Variants in HERC4 observed in about 807,000 individuals in gnomAD.
HERC4 encodes probable E3 ubiquitin-protein ligase HERC4.
In HERC4, 28 loss-of-function variants were observed where a neutral mutation model predicts 124.3. The observed-to-expected ratio is 0.23, with a 90% confidence interval of 0.17 to 0.31. The LOEUF is 0.31. Ranked by LOEUF, HERC4 falls within the 10% of genes least tolerant of loss-of-function variation. The pLI, the probability that HERC4 is intolerant of heterozygous loss-of-function variation, is 1.00. For missense variants in HERC4, 713 were observed against 1,229.3 expected (o/e 0.58, Z 6.28); for synonymous variants, 407 against 421.5 (o/e 0.97, Z 0.42).
chr10:68,052,757 C>G (rs2040378077), intron 3 of HERC4, among the ~76,000 whole-genome samples: 1 of 152,150 alleles, frequency 6.6e-6, no homozygotes, highest in Non-Finnish European at 1.5e-5. Context: ...ATCAATTTCA[C>G]CATCATAAAG....
intron 20 of HERC4, 137 bp downstream of exon 20, chr10:67,940,802 T>C (rs1482112255): frequency 2.6e-6 from 2 of 762,984 alleles, no homozygotes; most frequent in East Asian, 5.9e-5. Flanking sequence ...TTTCCTTTAT[T>C]AGAAGGGCAT....
chr10:67,951,659 A>T (rs2033801985), intron 19 of HERC4, among the ~76,000 whole-genome samples: 1 of 152,120 alleles, frequency 6.6e-6, no homozygotes. Flanking sequence ...TCAATCCTTC[A>T]TATGATTGCG....
At chr10:68,008,545 A>G (rs556187602) in intron 9 of HERC4, among the ~76,000 whole-genome samples, 21 of 152,314 alleles carry the variant, frequency 1.4e-4, no homozygotes, top group Non-Finnish European at 1.9e-4. Context: ...TTGGGGATGT[A>G]ATCATATGGA....
intron 8 of HERC4, among the ~76,000 whole-genome samples, chr10:68,021,616 C>T (rs2038629972): frequency 6.6e-6 from 1 of 152,122 alleles, no homozygotes; most frequent in Admixed American, 6.5e-5. Flanking sequence ...CAAGACCAGC[C>T]TGACCAACAT....
chr10:67,927,803 A>C (rs2031304437), intron 23 of HERC4, among the ~76,000 whole-genome samples: 1 of 152,166 alleles, frequency 6.6e-6, no homozygotes, highest in South Asian at 2.1e-4. Flanking sequence ...CAAGGTTTCA[A>C]GTACTTACTG....
chr10:67,967,206 TA>T (rs1305922304), intron 15 of HERC4, among the ~76,000 whole-genome samples: 3 of 152,212 alleles, frequency 2.0e-5, no homozygotes, highest in Non-Finnish European at 4.4e-5. Context: ...GGGATTTTCT[TA>T]GCTATTTTTT....
At chr10:67,977,515 C>G (rs934792558) in intron 15 of HERC4, among the ~76,000 whole-genome samples, 2 of 152,116 alleles carry the variant, frequency 1.3e-5, no homozygotes, top group Non-Finnish European at 2.9e-5. Context: ...AAGACTCCTG[C>G]TTGAGAAAAG....
chr10:68,053,792 G>A (rs1412757074), intron 3 of HERC4, among the ~76,000 whole-genome samples: 1 of 152,100 alleles, frequency 6.6e-6, no homozygotes, highest in Non-Finnish European at 1.5e-5. Context: ...CCATGTCCAG[G>A]AATGACCACA....
In HERC4 at chr10:67,922,809, T is replaced by C. The variant is rs189580227; in HGVS notation, c.*122A>G. ...TTTGGCTTCCATGAACACTCGTAGA[T>C]TGAACATTCTGCAAGTAAGAATTAT... On this transcript the variant is annotated 3_prime_UTR_variant, in exon 25 of 25. Transcript: ENST00000373700. The C allele has an allele frequency of 2.8e-6, 2 of 713,472 alleles. No individual in the cohort carries two copies. The highest frequency in any genetic ancestry group is 2.5e-5 in the Admixed American group (1 of 39,648). The allele number at this position is 713,472 out of a possible 1,614,324, so 44.2% of individuals were successfully genotyped here.
chr10:67,961,970 T>C (rs1480140706), intron 16 of HERC4, among the ~76,000 whole-genome samples: 2 of 152,176 alleles, frequency 1.3e-5, no homozygotes, highest in East Asian at 3.8e-4. Context: ...ACCTTTCAGA[T>C]TACACTCTGT....
At chr10:68,020,058 T>C (rs1051179097) in intron 8 of HERC4, among the ~76,000 whole-genome samples, 4 of 152,212 alleles carry the variant, frequency 2.6e-5, no homozygotes, top group African/African-American at 4.8e-5. Flanking sequence ...ACCACATTTA[T>C]GGGTGAATTT....
chr10:68,059,841 A>AT lies in HERC4; in HGVS notation c.226+13041_226+13042insA, dbSNP rs1564609819. On this transcript the variant is annotated intron_variant, in intron 3 of 24. Coordinates refer to ENST00000373700, the MANE Select transcript of HERC4 (RefSeq NM_015601.4). ...TATATATCATAATATTATATATTATAATATATTATATATCATAATATTATA... is the reference window on the plus strand; with the variant it reads ...TATATATCATAATATTATATATTATATATATATTATATATCATAATATTATA... Among the ~76,000 whole-genome samples, 30 of 32,990 alleles carry AT rather than the reference A, an allele frequency of 9.1e-4. 8 individuals carry two copies. In the African/African-American group the frequency reaches 9.2e-3, roughly 10 times the overall value. 21.6% of individuals were successfully genotyped at this position (32,990 alleles called of 152,430 possible).
At chr10:67,988,118 C>CA (rs1249643027) in intron 15 of HERC4, 1 of 152,038 alleles carries the variant, frequency 6.6e-6, no homozygotes, top group Admixed American at 6.6e-5. Context: ...TGAACTGCTA[C>CA]AAGTGTAAAG....
At chr10:67,959,793 T>A (rs1419482999) in intron 16 of HERC4, among the ~76,000 whole-genome samples, 1 of 152,238 alleles carries the variant, frequency 6.6e-6, no homozygotes, top group Non-Finnish European at 1.5e-5. Context: ...GTGGAAATTA[T>A]AATGAAAGCT....
chr10:67,926,165 C>T (rs752576364), intron 23 of HERC4, among the ~76,000 whole-genome samples: 28 of 152,116 alleles, frequency 1.8e-4, no homozygotes, highest in Non-Finnish European at 3.2e-4. Flanking sequence ...GTGTCCAAGC[C>T]GGGCAGATCA....
chr10:68,014,496 T>A (rs980365534), intron 8 of HERC4, among the ~76,000 whole-genome samples: 1 of 152,134 alleles, frequency 6.6e-6, no homozygotes, highest in Non-Finnish European at 1.5e-5. Context: ...CATCTACCTA[T>A]GCTGTTCAAG....
intron 3 of HERC4, among the ~76,000 whole-genome samples, chr10:68,049,590 C>CCAAAA (rs1554827735): frequency 2.8e-4 from 12 of 42,622 alleles, no homozygotes; most frequent in African/African-American, 1.4e-3. Context: ...GACACTGCCA[C>CCAAAA]AAAAAAAAAA....
chr10:68,013,041 T>C (rs552744567), intron 9 of HERC4, among the ~76,000 whole-genome samples: 2 of 152,340 alleles, frequency 1.3e-5, no homozygotes, highest in East Asian at 1.9e-4. Context: ...TTTGCTTTAC[T>C]GTGCTTCTCA....
chr10:67,922,867 A>T lies in HERC4; in HGVS notation c.*64T>A. On this transcript the variant is annotated 3_prime_UTR_variant, in exon 25 of 25. Transcript: ENST00000373700. ...CCTCTGTCACCTTGCTGAATTCATC[A>T]CCACAAGAAAAACACAAATAGTTTA... 8.8e-7 allele frequency: 1 copy of T among 1,137,654 alleles called. No individual in the cohort carries two copies. The highest frequency in any genetic ancestry group is 1.3e-6 in the Non-Finnish European group (1 of 786,710). 70.5% of individuals were successfully genotyped at this position (1,137,654 alleles called of 1,614,324 possible).
Sources: allele counts gnomAD v4.1 joint callset (sites outside exome capture counted in the v4.1 genomes callset), GRCh38; gene constraint gnomAD v4.1.1; transcripts MANE v1.5; gene names NCBI Gene and HGNC (gene_info 2026-07-23, HGNC 2026-07-21).